The following ADAM29 variants were observed in gnomAD, a reference collection of about 807,000 sequenced individuals.
ADAM29 encodes the protein disintegrin and metalloproteinase domain-containing protein 29.
For missense variants in ADAM29, 969 were observed against 1,001.8 expected, an observed-to-expected ratio of 0.97 and a Z score of 0.44; for synonymous variants, 367 against 342.3, an observed-to-expected ratio of 1.07 and a Z score of -0.80.
chr4:174,944,600 G>T lies in ADAM29; in HGVS notation c.-181+7587G>T, dbSNP rs1332178855. ...GCATAGGCAAACTGTGTGTTATGGG[G>T]GTTTGATGTACTGATTATTTTGTCA... On this transcript the variant is annotated intron_variant, in intron 4 of 4. Coordinates refer to ENST00000359240, the MANE Select transcript of ADAM29 (RefSeq NM_014269.4). Among the ~76,000 whole-genome samples the T allele has an allele frequency of 3.9e-5, 6 of 152,096 alleles. No individual in the cohort carries two copies. In the East Asian group the frequency reaches 7.7e-4, roughly 20 times the overall value.
chr4:174,962,704 G>A (rs555696465), intron 4 of ADAM29, among the ~76,000 whole-genome samples: 2 of 151,840 alleles, frequency 1.3e-5, no homozygotes, highest in South Asian at 2.1e-4. Flanking sequence ...ATCCCACAAC[G>A]TATATGTACT....
intron 4 of ADAM29, among the ~76,000 whole-genome samples, chr4:174,956,011 G>A (rs1174447239): frequency 6.6e-6 from 1 of 152,000 alleles, no homozygotes; most frequent in Non-Finnish European, 1.5e-5. Context: ...ATTGTGCTCA[G>A]GACAGACTAT....
At position 174,977,621 on chromosome 4, in the gene ADAM29, A is replaced by C; in HGVS notation, c.2096A>C (p.Lys699Thr). Reference protein sequence around the residue: ...ILLCCLYRLCKKSKPIKKQQD... With the variant: ...ILLCCLYRLCTKSKPIKKQQD... ...TTATGTTGTCTTTATCGACTTTGTA[A>C]AAAAAGTAAACCAATAAAAAAGCAG... Residue 699 changes from lysine (K) to threonine (T), a missense_variant, in exon 5 of 5, where the codon AAA becomes ACA. By Grantham distance (78) the Lys-to-Thr change is moderately conservative (BLOSUM62 -1). Transcript: ENST00000359240. 6.2e-7 allele frequency: 1 copy of C among 1,613,920 alleles called. No homozygotes were observed. Among genetic ancestry groups the C allele is most frequent in the Non-Finnish European group, 8.5e-7 (1 of 1,179,968 alleles).
intron 4 of ADAM29, among the ~76,000 whole-genome samples, chr4:174,971,544 C>T (rs1199242920): frequency 6.6e-6 from 1 of 152,162 alleles, no homozygotes; most frequent in African/African-American, 2.4e-5. Context: ...CTCCCTCTGG[C>T]CTGCAAGGTT....
At chr4:174,958,243 G>A (rs112411761) in intron 4 of ADAM29, among the ~76,000 whole-genome samples, 173 of 121,332 alleles carry the variant, frequency 1.4e-3, no homozygotes, top group African/African-American at 5.9e-3. Context: ...ATTACTGATG[G>A]GGGGGTGGGG....
chr4:174,977,835 T>C lies in ADAM29; in HGVS notation c.2310T>C (p.Pro770=). ...QPPVTPSQSQ[P]RVMPSQSQPP... ...CTGTGACACCCTCCCAGAGTCAACCTCGGGTGATGCCTTCTCAGAGTCAAC... is the reference window on the plus strand; with the variant it reads ...CTGTGACACCCTCCCAGAGTCAACCCCGGGTGATGCCTTCTCAGAGTCAAC... The change falls in exon 5 of 5, where the codon CCT becomes CCC. Residue 770 remains proline (P), a synonymous_variant. Coordinates refer to ENST00000359240, the MANE Select transcript of ADAM29 (RefSeq NM_014269.4). The C allele has an allele frequency of 6.3e-7, 1 of 1,585,644 alleles. No individual in the cohort carries two copies. Among genetic ancestry groups the C allele is most frequent in the South Asian group, 1.1e-5 (1 of 88,994 alleles).
At chr4:174,932,345 A>G (rs1055533421) in intron 3 of ADAM29, among the ~76,000 whole-genome samples, 2 of 152,208 alleles carry the variant, frequency 1.3e-5, no homozygotes, top group Non-Finnish European at 2.9e-5. Flanking sequence ...ATGGGGAGAA[A>G]GTATAATCAG....
At chr4:174,953,873 C>A (rs992648876) in intron 4 of ADAM29, among the ~76,000 whole-genome samples, 2 of 152,122 alleles carry the variant, frequency 1.3e-5, no homozygotes, top group Admixed American at 6.5e-5. Context: ...CCATGCCCAG[C>A]TAATTTTATT....
chr4:174,956,615 A>G (rs1263044956), intron 4 of ADAM29, among the ~76,000 whole-genome samples: 1 of 151,754 alleles, frequency 6.6e-6, no homozygotes, highest in Non-Finnish European at 1.5e-5. Flanking sequence ...TTTGCATATA[A>G]TCATTGTGGT....
Position 174,976,639 on chromosome 4 carries a change from G to A in ADAM29, c.1114G>A (p.Gly372Ser), listed in dbSNP as rs746704560. The change falls in exon 5 of 5, where the codon GGT (glycine) becomes AGT (serine). Residue 372 changes from glycine to serine, a missense_variant. Gly to Ser is a moderately conservative substitution (Grantham distance 56). Transcript: ENST00000359240. ...PITKFSNCSY[G>S]DFWEYTVERT... Reference sequence around the variant, plus strand: ...AACTAAATTTAGCAATTGTAGTTATGGTGATTTTTGGGAATATACTGTAGA... The same window carrying A: ...AACTAAATTTAGCAATTGTAGTTATAGTGATTTTTGGGAATATACTGTAGA... The A allele has an allele frequency of 5.6e-6, 9 of 1,613,194 alleles. No homozygotes were observed. In the South Asian group the frequency reaches 9.9e-5, roughly 18 times the overall value.
chr4:174,919,017 A>C (rs1436363322), intron 1 of ADAM29: 1 of 152,068 alleles, frequency 6.6e-6, no homozygotes, highest in Non-Finnish European at 1.5e-5. Context: ...GCTTATTGAG[A>C]TATTGTCTTA....
intron 2 of ADAM29, among the ~76,000 whole-genome samples, chr4:174,927,485 G>A (rs888859375): frequency 6.6e-6 from 1 of 152,090 alleles, no homozygotes; most frequent in Admixed American, 6.5e-5. Context: ...TTAACATTTT[G>A]TAGTTTTCAC....
rs1459243905 is a variant in ADAM29, at chr4:174,965,128, AG to A, written c.-180-10217del. On this transcript the variant is annotated intron_variant, in intron 4 of 4. Transcript: ENST00000359240. ...ATACTTGAGGCTGGATAATTTATAAAGAAAAGAGGTTTATTTGGCTTATGAT... is the reference window on the plus strand; with the variant it reads ...ATACTTGAGGCTGGATAATTTATAAAAAAAGAGGTTTATTTGGCTTATGAT... Among the ~76,000 whole-genome samples, 4 of 152,280 alleles carry A rather than the reference AG, an allele frequency of 2.6e-5. No homozygotes were observed. In the East Asian group the frequency reaches 7.7e-4, roughly 29 times the overall value.
At chr4:174,925,055 G>A (rs1333713896) in intron 2 of ADAM29, among the ~76,000 whole-genome samples, 2 of 152,062 alleles carry the variant, frequency 1.3e-5, no homozygotes, top group Non-Finnish European at 2.9e-5. Flanking sequence ...CTAATTGAGG[G>A]ACATTCAACA....
chr4:174,941,693 G>C (rs1280428399), intron 4 of ADAM29, among the ~76,000 whole-genome samples: 1 of 152,038 alleles, frequency 6.6e-6, no homozygotes, highest in African/African-American at 2.4e-5. Context: ...GATGAGATTG[G>C]GGGGACACAG....
chr4:174,956,338 T>G (rs1364610171), intron 4 of ADAM29, among the ~76,000 whole-genome samples: 3 of 152,016 alleles, frequency 2.0e-5, no homozygotes, highest in Middle Eastern at 3.2e-3. Flanking sequence ...TATATATACT[T>G]GTGTTTCAGT....
chr4:174,952,306 C>T (rs958892141), intron 4 of ADAM29, among the ~76,000 whole-genome samples: 3 of 151,528 alleles, frequency 2.0e-5, no homozygotes, highest in African/African-American at 7.3e-5. Flanking sequence ...TCACACATGT[C>T]TCTCCCCTCA....
At chr4:174,945,924 A>G (rs867085374) in intron 4 of ADAM29, among the ~76,000 whole-genome samples, 6 of 152,184 alleles carry the variant, frequency 3.9e-5, no homozygotes, top group Non-Finnish European at 7.4e-5. Context: ...GTCAGGTAAT[A>G]TGATGCCTCA....
intron 4 of ADAM29, among the ~76,000 whole-genome samples, chr4:174,968,049 T>C (rs1042554651): frequency 2.0e-5 from 3 of 152,176 alleles, no homozygotes; most frequent in African/African-American, 7.2e-5. Flanking sequence ...AATTCCTCTA[T>C]AAAACCATGA....
Sources: gnomAD v4.1 joint callset for allele counts (sites outside exome capture counted in the v4.1 genomes callset) on GRCh38, gnomAD v4.1.1 for gene constraint, MANE v1.5 for transcripts, NCBI Gene and HGNC (gene_info 2026-07-23, HGNC 2026-07-21) for gene names.